GRM7: variants seen among roughly 807,000 people sequenced by gnomAD.
The protein encoded by GRM7 is glutamate metabotropic receptor 7, also known as metabotropic glutamate receptor 7.
In GRM7, 35 loss-of-function variants were observed where a neutral mutation model predicts 84.5. The observed-to-expected ratio is 0.41, with a 90% CI of 0.32 to 0.55. GRM7 has a LOEUF of 0.55. Among genes scored for constraint, GRM7 ranks in the 20% least tolerant of loss-of-function variants. The pLI, the probability that GRM7 is intolerant of heterozygous loss-of-function variation, is 0.19. For missense variants in GRM7, 1,003 were observed against 1,194.6 expected, an observed-to-expected ratio of 0.84 and a Z score of 2.36; for synonymous variants, 487 against 455.1, an observed-to-expected ratio of 1.07 and a Z score of -0.89.
At chr3:6,944,127 A>C (rs1697980320) in intron 1 of GRM7, among the ~76,000 whole-genome samples, 1 of 152,064 alleles carries the variant, frequency 6.6e-6, no homozygotes, top group Non-Finnish European at 1.5e-5. Flanking sequence ...TCTTCAAATA[A>C]AGACAAATTA....
rs151102194 is a variant in GRM7, at chr3:6,966,277, G to C, written c.519+104370G>C. Among the ~76,000 whole-genome samples, 334 of 152,288 alleles carry C rather than the reference G, an allele frequency of 2.2e-3. 1 individual carries two copies. The highest frequency in any genetic ancestry group is 7.5e-3 in the African/African-American group (310 of 41,564). ...AGTGTAGGCAGGAGGTGAAAGAGTT[G>C]TGACAATGTAATACTCCTTCACATT... On this transcript the variant is annotated intron_variant, in intron 1 of 9. Coordinates refer to ENST00000357716, the MANE Select transcript of GRM7 (RefSeq NM_000844.4).
At position 7,740,383 on chromosome 3, in the gene GRM7, A is replaced by G; in HGVS notation, c.2725A>G (p.Ser909Gly). The G allele has an allele frequency of 6.3e-7, 1 of 1,588,108 alleles. No individual in the cohort carries two copies. Among genetic ancestry groups the G allele is most frequent in the Non-Finnish European group, 8.6e-7 (1 of 1,162,058 alleles). The change falls in exon 10 of 10, where the codon AGT (serine) becomes GGT (glycine). Residue 909 changes from serine to glycine, a missense_variant. Transcript: ENST00000357716. ...CCCTGCTGCAAAAAAGAAGTATGTCAGTTATAATAACCTGGTTATCTAACC... is the reference window on the plus strand; with the variant it reads ...CCCTGCTGCAAAAAAGAAGTATGTCGGTTATAATAACCTGGTTATCTAACC... ...NSPAAKKKYVSYNNLVI is the reference protein window; with the variant it reads ...NSPAAKKKYVGYNNLVI
At chr3:7,400,370 G>T (rs953252407) in intron 4 of GRM7, among the ~76,000 whole-genome samples, 1 of 152,150 alleles carries the variant, frequency 6.6e-6, no homozygotes, top group African/African-American at 2.4e-5. Flanking sequence ...ATCACAGTAT[G>T]CATTCTAAGA....
At chr3:6,866,780 C>T (rs342027) in intron 1 of GRM7, among the ~76,000 whole-genome samples, 39,224 of 152,174 alleles carry the variant, frequency 0.26, 5,926 homozygotes, top group South Asian at 0.45. Flanking sequence ...TCCTGCCTAT[C>T]TTCCTGGCCC....
intron 7 of GRM7, among the ~76,000 whole-genome samples, chr3:7,565,199 T>G (rs1694202730): frequency 6.6e-6 from 1 of 152,168 alleles, no homozygotes. Context: ...AAATTTTGAG[T>G]ATAGAAAAAT....
At chr3:7,640,362 T>A (rs552564643) in intron 8 of GRM7, among the ~76,000 whole-genome samples, 3 of 152,350 alleles carry the variant, frequency 2.0e-5, no homozygotes, top group African/African-American at 7.2e-5. Flanking sequence ...TGGCACTTTA[T>A]ATTCTGTGAG....
chr3:7,377,769 A>G lies in GRM7; in HGVS notation c.1034-37254A>G, dbSNP rs572767393. ...TTGGAAAGAACATAAAAATATTTAC[A>G]TAATGGGAAATTATATGAGTTCAAA... On this transcript the variant is annotated intron_variant, in intron 4 of 9. Transcript: ENST00000357716. 3.9e-4 allele frequency among the ~76,000 whole-genome samples: 59 copies of G among 152,344 alleles called. No homozygotes were observed. In the South Asian group the frequency reaches 4.8e-3, roughly 12 times the overall value.
intron 2 of GRM7, among the ~76,000 whole-genome samples, chr3:7,233,313 GT>G (rs778886017): frequency 6.6e-5 from 10 of 152,094 alleles, no homozygotes; most frequent in Non-Finnish European, 1.0e-4. Flanking sequence ...TCACTGGTAA[GT>G]TTCTCTAAAT....
chr3:7,089,699 A>G (rs1024584914), intron 1 of GRM7, among the ~76,000 whole-genome samples: 3 of 152,238 alleles, frequency 2.0e-5, no homozygotes, highest in African/African-American at 7.2e-5. Context: ...ACAATCTTTG[A>G]CAACCTTACA....
At chr3:7,060,961 C>T (rs1354930052) in intron 1 of GRM7, among the ~76,000 whole-genome samples, 1 of 151,798 alleles carries the variant, frequency 6.6e-6, no homozygotes, top group Non-Finnish European at 1.5e-5. Flanking sequence ...ATAGAACACA[C>T]TGCCGTTGAA....
intron 1 of GRM7, among the ~76,000 whole-genome samples, chr3:6,970,337 C>A (rs1693700385): frequency 6.6e-6 from 1 of 152,200 alleles, no homozygotes; most frequent in South Asian, 2.1e-4. Flanking sequence ...TTCAAACTTA[C>A]TATTGTGTCT....
chr3:7,586,396 G>A (rs988345160), intron 8 of GRM7, among the ~76,000 whole-genome samples: 2 of 146,536 alleles, frequency 1.4e-5, no homozygotes, highest in Non-Finnish European at 3.0e-5. Flanking sequence ...TTTTTTTTTT[G>A]TAGCTTTATT....
chr3:6,866,019 G>A (rs1427973775), intron 1 of GRM7, among the ~76,000 whole-genome samples: 1 of 152,136 alleles, frequency 6.6e-6, no homozygotes, highest in Non-Finnish European at 1.5e-5. Context: ...CAGAGGGAAG[G>A]AATGAAGACA....
chr3:7,274,406 T>TA (rs1182577799), intron 2 of GRM7, among the ~76,000 whole-genome samples: 3 of 152,044 alleles, frequency 2.0e-5, no homozygotes, highest in Non-Finnish European at 4.4e-5. Context: ...TTCTTCTCTC[T>TA]AAAAAAACTT....
chr3:7,057,937 G>A (rs1253275153), intron 1 of GRM7, among the ~76,000 whole-genome samples: 1 of 151,894 alleles, frequency 6.6e-6, no homozygotes, highest in Non-Finnish European at 1.5e-5. Context: ...TATCTAGACA[G>A]GTCATATTTT....
intron 8 of GRM7, among the ~76,000 whole-genome samples, chr3:7,629,322 T>C (rs1410005168): frequency 1.3e-5 from 2 of 152,180 alleles, no homozygotes; most frequent in Non-Finnish European, 2.9e-5. Context: ...GCTTAAACAG[T>C]AGGCATTTAT....
At chr3:7,183,157 T>C (rs981139979) in intron 2 of GRM7, among the ~76,000 whole-genome samples, 4 of 152,160 alleles carry the variant, frequency 2.6e-5, no homozygotes, top group African/African-American at 4.8e-5. Flanking sequence ...TTTTCAAAGT[T>C]TCACGTATAT....
At chr3:7,293,157 G>A (rs1699696411) in intron 2 of GRM7, among the ~76,000 whole-genome samples, 1 of 152,074 alleles carries the variant, frequency 6.6e-6, no homozygotes, top group African/African-American at 2.4e-5. Context: ...GCTCTCTCGG[G>A]ATTGAGTTTC....
chr3:7,060,722 G>A (rs6801926), intron 1 of GRM7, among the ~76,000 whole-genome samples: 36,511 of 151,634 alleles, frequency 0.24, 4,786 homozygotes, highest in African/African-American at 0.35. Flanking sequence ...ATAAATGCAT[G>A]TTTCTTTAAC....
Sources: gnomAD v4.1 joint callset for allele counts (sites outside exome capture counted in the v4.1 genomes callset) on GRCh38, gnomAD v4.1.1 for gene constraint, MANE v1.5 for transcripts, NCBI Gene and HGNC (gene_info 2026-07-23, HGNC 2026-07-21) for gene names.